SMTN: variants seen among roughly 807,000 people sequenced by gnomAD.
The protein encoded by SMTN is smoothelin.
In SMTN, 58 loss-of-function variants were observed where a neutral mutation model predicts 102.0. The ratio of observed to expected loss-of-function variants is 0.57; its 90% CI spans 0.46 to 0.71. The LOEUF (loss-of-function observed/expected upper bound fraction) is 0.71. SMTN is among the 30% of genes least tolerant of loss of function. SMTN has a pLI of 0.00. For synonymous variants in SMTN, 478 were observed against 497.9 expected, an observed-to-expected ratio of 0.96 and a Z score of 0.53; for missense variants, 1,185 against 1,241.7, an observed-to-expected ratio of 0.95 and a Z score of 0.69.
rs768673727 is a variant in SMTN, at chr22:31,091,756, G to A, written c.1541G>A (p.Ser514Asn). ...GGKSTITRVN[S>N]PGTLARLGSV... ...AAGAGCACCATCACCCGTGTCAACA[G>A]CCCTGGGACCCTGGCTCGGCTGGGC... is the stretch of plus-strand genomic sequence containing the variant. The change falls in exon 11 of 21, where the codon AGC becomes AAC. Residue 514 changes from serine to asparagine, a missense_variant. Around this residue, in one of 2 missense-constraint regions of SMTN, gnomAD observed 1,096 missense variants for 1,112.7 expected, o/e 0.98. Coordinates refer to ENST00000333137, the MANE Select transcript of SMTN (RefSeq NM_134269.3). 2.5e-6 allele frequency: 4 copies of A among 1,612,692 alleles called. No homozygotes were observed. The Admixed American group carries it at 6.7e-5, about 27-fold the overall frequency.
chr22:31,090,844 C>A lies in SMTN; in HGVS notation c.902C>A (p.Ser301Ter), dbSNP rs372214262. The A allele has an allele frequency of 1.2e-6, 2 of 1,613,810 alleles. No homozygotes were observed. Among genetic ancestry groups the A allele is most frequent in the Non-Finnish European group, 8.5e-7 (1 of 1,179,910 alleles). Residue 301 changes from serine (S) to a stop codon, truncating the protein, a stop_gained, in exon 9 of 21, where the codon TCG becomes TAG. Transcript: ENST00000333137. LOFTEE classifies it high-confidence loss of function. ...AGPRPCQRSL[S>*]VLSPRQPAQN... is the part of the protein sequence containing the mutation. Reference sequence around the variant, plus strand: ...CCCCGACCCTGCCAACGCTCCCTGTCGGTGCTCAGCCCCCGCCAACCAGCC... The same window carrying A: ...CCCCGACCCTGCCAACGCTCCCTGTAGGTGCTCAGCCCCCGCCAACCAGCC...
At chr22:31,076,079 G>A (rs2042121253) in intron 1 of SMTN, among the ~76,000 whole-genome samples, 1 of 152,192 alleles carries the variant, frequency 6.6e-6, no homozygotes, top group African/African-American at 2.4e-5. Flanking sequence ...GCGGAAGGCT[G>A]GGAACACGGC....
Position 31,091,371 on chromosome 22 carries a change from A to C in SMTN, c.1348A>C (p.Thr450Pro), listed in dbSNP as rs576575866. 23 of 1,604,140 alleles carry C rather than the reference A, an allele frequency of 1.4e-5. No individual in the cohort carries two copies. The South Asian group carries it at 2.0e-4, about 14-fold the overall frequency. ...TGCCCCGCTGCCCGTGGCCGTCGGC[A>C]CTGCCGAGCCAGGGGGCAGTATGAA... is the stretch of plus-strand genomic sequence containing the variant. ...PGAPLPVAVGTAEPGGSMKTT... is the reference protein window; with the variant it reads ...PGAPLPVAVGPAEPGGSMKTT... Residue 450 changes from threonine (T) to proline (P), a missense_variant, in exon 10 of 21, where the codon ACT becomes CCT. By Grantham distance (38) the Thr-to-Pro change is conservative (BLOSUM62 -1). Coordinates refer to ENST00000333137, the MANE Select transcript of SMTN (RefSeq NM_134269.3).
At chr22:31,093,599 TG>T (rs1371324153) in intron 11 of SMTN, 1 of 754,378 alleles carries the variant, frequency 1.3e-6, no homozygotes, top group Non-Finnish European at 2.4e-6. Context: ...GTGGAGCCGG[TG>T]GCCCGGGCAG....
upstream of SMTN, among the ~76,000 whole-genome samples, chr22:31,078,291 C>T (rs1421332618): frequency 6.6e-6 from 1 of 152,214 alleles, no homozygotes; most frequent in Non-Finnish European, 1.5e-5. Context: ...GCCAGGGTGA[C>T]TTAGGGATGC....
In SMTN at chr22:31,098,821, GAGA is replaced by G; in HGVS notation, c.2317_2319del (p.Lys773del). 9 of 1,610,880 alleles carry G rather than the reference GAGA, an allele frequency of 5.6e-6. No individual in the cohort carries two copies. Among genetic ancestry groups the G allele is most frequent in the African/African-American group, 1.3e-5 (1 of 75,040 alleles). On this transcript the variant is annotated inframe_deletion, in exon 17 of 21. Transcript: ENST00000333137. ...GCGCAAGGCCATGATTGAGAAGCTGGAGAAGGAGGGCGCGGCCGGGTGAGCTGC... is the reference window on the plus strand; with the variant it reads ...GCGCAAGGCCATGATTGAGAAGCTGGAGGAGGGCGCGGCCGGGTGAGCTGC...
intron 11 of SMTN, chr22:31,093,436 C>T: frequency 1.9e-6 from 1 of 514,392 alleles, no homozygotes; most frequent in Middle Eastern, 5.6e-4. Context: ...CCATAGAGTC[C>T]CCACCAGCAC....
In SMTN at chr22:31,095,168, C is replaced by G. The variant is rs2043473197; in HGVS notation, c.1633-135C>G. The G allele has an allele frequency of 1.1e-6, 1 of 870,100 alleles. No individual in the cohort carries two copies. Among genetic ancestry groups the G allele is most frequent in the African/African-American group, 1.7e-5 (1 of 59,710 alleles). 53.9% of individuals were successfully genotyped at this position (870,100 alleles called of 1,614,324 possible). A position where few individuals can be genotyped will look rare whatever the true frequency, so the allele number is the denominator to read the frequency against. ...TGACGCTGACATGGCCATCTTTGGG[C>G]AGGCAGGCTGGCAGGCTAGTGGTTA... On this transcript the variant is annotated intron_variant, in intron 11 of 20. Transcript: ENST00000333137. The surrounding 1 kb of genome is among the most constrained non-coding windows in gnomAD (Gnocchi z 4.1).
At chr22:31,065,777 G>A (rs1406739166) in intron 1 of SMTN, 1 of 151,876 alleles carries the variant, frequency 6.6e-6, no homozygotes, top group Non-Finnish European at 1.5e-5. Context: ...GATCTAAGAT[G>A]TGTGGCTCAG....
At chr22:31,082,890 C>T (rs752537566) in intron 1 of SMTN, 1 of 1,546,844 alleles carries the variant, frequency 6.5e-7, no homozygotes, top group Non-Finnish European at 8.7e-7. Flanking sequence ...AATCCAGGTC[C>T]CTGCCCTCCC....
At chr22:31,084,959 AG>A (rs971770854) in intron 2 of SMTN, 1 of 1,403,342 alleles carries the variant, frequency 7.1e-7, no homozygotes, top group Non-Finnish European at 9.2e-7. Context: ...GGGCCATATA[AG>A]GAAAAGCTAG....
upstream of SMTN, among the ~76,000 whole-genome samples, chr22:31,080,001 G>A (rs1160677636): frequency 1.3e-5 from 2 of 152,224 alleles, no homozygotes; most frequent in Non-Finnish European, 2.9e-5. Context: ...GACCTTGGGT[G>A]ATCCACCTGC....
chr22:31,090,675 G>A (rs2043059038), intron 8 of SMTN, 133 bp from the exon 9 acceptor site: 1 of 747,226 alleles, frequency 1.3e-6, no homozygotes, highest in Non-Finnish European at 2.4e-6. Context: ...GGAGAGGTGG[G>A]GTGGGGGTTG....
At chr22:31,091,922 A>G in intron 11 of SMTN, 75 bp downstream of exon 11, 1 of 1,348,104 alleles carries the variant, frequency 7.4e-7, no homozygotes, top group African/African-American at 1.5e-5. Flanking sequence ...TAGGGCTAGC[A>G]GGGTTCCTCT....
Position 31,088,726 on chromosome 22 carries a change from C to T in SMTN, c.322C>T (p.Arg108Cys), listed in dbSNP as rs778759029. ...LLRSAGEYEE[R>C]KLIRAAIRRV... ...GCGAAGCGCTGGTGAGTATGAGGAG[C>T]GCAAGCTGATCCGAGCTGCCATCCG... Residue 108 changes from arginine to cysteine, a missense_variant, in exon 5 of 21, where the codon CGC becomes TGC. Around this residue, in one of 2 missense-constraint regions of SMTN, gnomAD observed 1,096 missense variants for 1,112.7 expected, o/e 0.98. Transcript: ENST00000333137. The T allele has an allele frequency of 6.2e-7, 1 of 1,613,488 alleles. No individual in the cohort carries two copies. The highest frequency in any genetic ancestry group is 8.5e-7 in the Non-Finnish European group (1 of 1,179,726).
At position 31,088,626 on chromosome 22, in the gene SMTN, A is replaced by G. The variant is rs746735113; in HGVS notation, c.294+20A>G. 2 of 1,612,558 alleles carry G rather than the reference A, an allele frequency of 1.2e-6. No homozygotes were observed. Among genetic ancestry groups the G allele is most frequent in the Non-Finnish European group, 1.7e-6 (2 of 1,178,630 alleles). ...GCACTGGTGAGGCCCAGGCTGGGGC[A>G]GGGGATGGGGGCAGGGCAGGTGAAG... On this transcript the variant is annotated intron_variant, in intron 4 of 20. Transcript: ENST00000333137.
At chr22:31,067,251 T>A (rs936095739) in intron 1 of SMTN, 2 of 151,628 alleles carry the variant, frequency 1.3e-5, no homozygotes, top group African/African-American at 4.9e-5. Context: ...AAGGTTTTTT[T>A]TTTTTTTGAC....
rs2044347832 is a variant in SMTN at position 31,104,577 on chromosome 22, C to G, written c.*282C>G. 9.6e-7 allele frequency: 1 copy of G among 1,036,306 alleles called. No homozygotes were observed. The highest frequency in any genetic ancestry group is 1.4e-5 in the South Asian group (1 of 72,756). The allele number at this position is 1,036,306 out of a possible 1,614,324, so 64.2% of individuals were successfully genotyped here. ...TGCCCTGTCTGTTGCGACACCCTCCCCCCCACATACACACGCAGCGTTTTG... is the reference window on the plus strand; with the variant it reads ...TGCCCTGTCTGTTGCGACACCCTCCGCCCCACATACACACGCAGCGTTTTG... On this transcript the variant is annotated 3_prime_UTR_variant, in exon 21 of 21. Transcript: ENST00000333137.
Position 31,095,310 on chromosome 22 carries a change from C to A in SMTN, c.1640C>A (p.Ala547Glu). The A allele has an allele frequency of 6.2e-7, 1 of 1,613,760 alleles. No homozygotes were observed. The highest frequency in any genetic ancestry group is 8.5e-7 in the Non-Finnish European group (1 of 1,180,000). Residue 547 changes from alanine to glutamate, a missense_variant, in exon 12 of 21, where the codon GCA becomes GAA. Coordinates refer to ENST00000333137, the MANE Select transcript of SMTN (RefSeq NM_134269.3). This position sits in a 1 kb window ranked among gnomAD's most constrained non-coding sequence, Gnocchi z 4.1. ...SRGGCSIKME[A>E]EPAEPLAAAV... ...CCTCTCCCCACCCTGCAGATGGAAG[C>A]AGAGCCAGCAGAGCCTCTCGCTGCA...
Sources: allele counts gnomAD v4.1 joint callset (sites outside exome capture counted in the v4.1 genomes callset), GRCh38; gene constraint gnomAD v4.1.1; regional missense constraint gnomAD v4.1.1; non-coding constraint Gnocchi (gnomAD v3.1); transcripts MANE v1.5; gene names NCBI Gene and HGNC (gene_info 2026-07-23, HGNC 2026-07-21).